The following CRB1 variants were observed in gnomAD, a reference collection of about 807,000 sequenced individuals.
CRB1 encodes crumbs cell polarity complex component 1.
CRB1 carries 83 observed loss-of-function variants against 120.0 expected under a neutral mutation model. The ratio of observed to expected loss-of-function variants is 0.69; its 90% CI spans 0.58 to 0.83. The LOEUF (loss-of-function observed/expected upper bound fraction) is 0.83, where lower values mean the gene tolerates loss of function less well. CRB1 is among the 40% of genes least tolerant of loss of function. The pLI, the probability that CRB1 is intolerant of heterozygous loss-of-function variation, is 0.00. For missense variants in CRB1, 1,699 were observed against 1,687.6 expected, an observed-to-expected ratio of 1.01 and a Z score of -0.12; for synonymous variants, 625 against 612.5, an observed-to-expected ratio of 1.02 and a Z score of -0.30.
intron 11 of CRB1, among the ~76,000 whole-genome samples, chr1:197,476,239 C>T (rs1281564014): frequency 6.6e-6 from 1 of 151,888 alleles, no homozygotes; most frequent in South Asian, 2.1e-4. Context: ...CCTTGAAGTA[C>T]TTGAGCATCC....
intron 5 of CRB1, among the ~76,000 whole-genome samples, chr1:197,386,238 G>A (rs1042932311): frequency 7.9e-5 from 12 of 152,110 alleles, no homozygotes; most frequent in African/African-American, 2.9e-4. Flanking sequence ...TGCTAATAAT[G>A]GATCTATTAA....
At chr1:197,314,378 T>A (rs1177677770) in intron 1 of CRB1, among the ~76,000 whole-genome samples, 1 of 152,230 alleles carries the variant, frequency 6.6e-6, no homozygotes, top group Non-Finnish European at 1.5e-5. Flanking sequence ...GTCCTTCTTA[T>A]AGTTTTCATT....
At chr1:197,283,539 A>G (rs537565453) in intron 1 of CRB1, among the ~76,000 whole-genome samples, 1 of 152,008 alleles carries the variant, frequency 6.6e-6, no homozygotes, top group South Asian at 2.1e-4. Flanking sequence ...AATGTTCTCT[A>G]ATTCCACCCA....
chr1:197,452,990 C>A (rs1666043240), intron 11 of CRB1, among the ~76,000 whole-genome samples: 2 of 151,870 alleles, frequency 1.3e-5, no homozygotes, highest in African/African-American at 4.8e-5. Flanking sequence ...GCTACATGTT[C>A]AGCGAAGGAT....
intron 5 of CRB1, among the ~76,000 whole-genome samples, chr1:197,375,707 T>C (rs970216755): frequency 6.6e-6 from 1 of 152,214 alleles, no homozygotes; most frequent in Non-Finnish European, 1.5e-5. Context: ...TCATTCTCTA[T>C]GATTCAGGAT....
intron 1 of CRB1, among the ~76,000 whole-genome samples, chr1:197,320,414 A>G (rs1658121170): frequency 6.6e-6 from 1 of 152,180 alleles, no homozygotes; most frequent in South Asian, 2.1e-4. Context: ...TAGGTATTAC[A>G]TGGGGAAGTT....
Position 197,421,079 on chromosome 1 carries a change from GAATTA to G in CRB1, c.1252_1256del (p.Asn418TyrfsTer7). 6.2e-7 allele frequency: 1 copy of G among 1,614,200 alleles called. No individual in the cohort carries two copies. Among genetic ancestry groups the G allele is most frequent in the Non-Finnish European group, 8.5e-7 (1 of 1,180,042 alleles). On this transcript the variant is annotated frameshift_variant, in exon 6 of 12. Coordinates refer to ENST00000367400, the MANE Select transcript of CRB1 (RefSeq NM_201253.3). LOFTEE classifies it high-confidence loss of function. ...GTGGTACTTGTGAGAACTTGCCTGGGAATTATACTTGCCATTGCCCATTTGATAAC... is the reference window on the plus strand; with the variant it reads ...GTGGTACTTGTGAGAACTTGCCTGGGTACTTGCCATTGCCCATTTGATAAC...
At chr1:197,371,849 T>C (rs1217769007) in intron 5 of CRB1, among the ~76,000 whole-genome samples, 1 of 152,108 alleles carries the variant, frequency 6.6e-6, no homozygotes, top group African/African-American at 2.4e-5. Flanking sequence ...GAGACATTAC[T>C]TCATTCTTCA....
chr1:197,303,982 C>A (rs187414425), intron 1 of CRB1, among the ~76,000 whole-genome samples: 1 of 152,052 alleles, frequency 6.6e-6, no homozygotes, highest in Admixed American at 6.6e-5. Flanking sequence ...AGAGAGACGC[C>A]ATCTCTTAAA....
At chr1:197,467,271 T>C (rs776626626) in intron 11 of CRB1, among the ~76,000 whole-genome samples, 12 of 152,166 alleles carry the variant, frequency 7.9e-5, no homozygotes, top group East Asian at 1.9e-4. Context: ...TTAACCCAGA[T>C]TACCAACTTT....
intron 5 of CRB1, among the ~76,000 whole-genome samples, chr1:197,406,711 C>T (rs892956275): frequency 1.3e-5 from 2 of 151,914 alleles, no homozygotes; most frequent in Non-Finnish European, 2.9e-5. Context: ...ATTAACTTAA[C>T]TTTAAAATTA....
At position 197,428,108 on chromosome 1, in the gene CRB1, G is replaced by C. The variant is rs564659255; in HGVS notation, c.2676+107G>C. On this transcript the variant is annotated intron_variant, in intron 7 of 11. Transcript: ENST00000367400. ...CTTTGTATATAAAGATGATGTTACT[G>C]ACCCACCAGTATAGAATAATATTTC... is the stretch of plus-strand genomic sequence containing the variant. The C allele has an allele frequency of 3.8e-5, 36 of 950,816 alleles. No homozygotes were observed. The South Asian group carries it at 5.0e-4, about 13-fold the overall frequency. The allele number at this position is 950,816 out of a possible 1,614,324, so 58.9% of individuals were successfully genotyped here. A position where few individuals can be genotyped will look rare whatever the true frequency, so the allele number is the denominator to read the frequency against.
At chr1:197,352,753 G>A (rs1358918316) in intron 4 of CRB1, among the ~76,000 whole-genome samples, 3 of 150,982 alleles carry the variant, frequency 2.0e-5, no homozygotes, top group African/African-American at 4.9e-5. Context: ...AAGGCCCCAA[G>A]GGTCTTTTTG....
the CRB1 span, among the ~76,000 whole-genome samples, chr1:197,211,253 T>C: frequency 7.2e-5 from 11 of 152,230 alleles, no homozygotes; most frequent in African/African-American, 2.7e-4. Context: ...CAGGTTGGAT[T>C]TGGCATACCA....
intron 8 of CRB1, among the ~76,000 whole-genome samples, chr1:197,430,751 C>A (rs1664832003): frequency 6.6e-6 from 1 of 152,082 alleles, no homozygotes; most frequent in Non-Finnish European, 1.5e-5. Context: ...TCTCTTTCAT[C>A]ATGAGAATAT....
intron 1 of CRB1, among the ~76,000 whole-genome samples, chr1:197,292,650 G>GA (rs924593121): frequency 3.9e-4 from 59 of 151,824 alleles, no homozygotes; most frequent in Non-Finnish European, 1.3e-4. Context: ...ACATCGATGA[G>GA]AAAATCCTCA....
At chr1:197,301,777 G>A (rs1390292583) in intron 1 of CRB1, among the ~76,000 whole-genome samples, 1 of 152,152 alleles carries the variant, frequency 6.6e-6, no homozygotes, top group Non-Finnish European at 1.5e-5. Context: ...AGTAACTGCG[G>A]ATGTGGTGGA....
intron 11 of CRB1, among the ~76,000 whole-genome samples, chr1:197,469,129 C>T (rs1324283469): frequency 4.6e-5 from 7 of 151,998 alleles, no homozygotes; most frequent in Non-Finnish European, 8.8e-5. Context: ...CCAAGGTGGG[C>T]GGATAGCTTG....
At position 197,365,626 on chromosome 1, in the gene CRB1, CTTTT is replaced by C. The variant is rs375542477; in HGVS notation, c.1171+8626_1171+8629del. Among the ~76,000 whole-genome samples, 10 of 121,858 alleles carry C rather than the reference CTTTT, an allele frequency of 8.2e-5. 1 individual carries two copies. The highest frequency in any genetic ancestry group is 2.8e-4 in the African/African-American group (8 of 28,362). The allele number at this position is 121,858 out of a possible 152,430, so 79.9% of individuals were successfully genotyped here. ...TCTCCTTCTCCTTCTTCTTCTTCTT[CTTTT>C]TTTTTTTTTTTTATCAGTAGGGCTT... On this transcript the variant is annotated intron_variant, in intron 5 of 11. Transcript: ENST00000367400.
Sources: allele counts gnomAD v4.1 joint callset (sites outside exome capture counted in the v4.1 genomes callset), GRCh38; gene constraint gnomAD v4.1.1; transcripts MANE v1.5; gene names NCBI Gene and HGNC (gene_info 2026-07-23, HGNC 2026-07-21).